The following EGFLAM variants were observed in gnomAD, a reference collection of about 807,000 sequenced individuals.
EGFLAM encodes EGF like, fibronectin type III and laminin G domains, also known as pikachurin.
A neutral mutation model predicts 113.1 loss-of-function variants in EGFLAM; 79 were observed. The observed-to-expected ratio is 0.70, with a 90% CI of 0.58 to 0.84. The LOEUF (loss-of-function observed/expected upper bound fraction) is 0.84, where lower values mean the gene tolerates loss of function less well. Among genes scored for constraint, EGFLAM ranks in the 40% least tolerant of loss-of-function variants. EGFLAM has a pLI of 0.00. For missense variants in EGFLAM, 1,265 were observed against 1,291.6 expected (o/e 0.98, Z 0.32); for synonymous variants, 504 against 487.6 (o/e 1.03, Z -0.44).
chr5:38,343,230 C>T (rs1739385896), intron 3 of EGFLAM, among the ~76,000 whole-genome samples: 2 of 151,862 alleles, frequency 1.3e-5, no homozygotes, highest in South Asian at 4.2e-4. Context: ...ATAGTGAAAC[C>T]CCATCTCTAC....
chr5:38,341,827 A>G (rs1739345469), intron 3 of EGFLAM, among the ~76,000 whole-genome samples: 1 of 152,146 alleles, frequency 6.6e-6, no homozygotes, highest in Non-Finnish European at 1.5e-5. Context: ...GGTTAGTATG[A>G]TTCGTATTGC....
At chr5:38,394,038 C>G (rs886503301) in intron 6 of EGFLAM, among the ~76,000 whole-genome samples, 2 of 152,074 alleles carry the variant, frequency 1.3e-5, no homozygotes, top group Non-Finnish European at 2.9e-5. Context: ...CCGGCTAGGC[C>G]CATCTCCGAA....
At chr5:38,459,791 A>AC (rs33938479) in intron 20 of EGFLAM, among the ~76,000 whole-genome samples, 133,856 of 146,052 alleles carry the variant, frequency 0.92, 60,943 homozygotes, top group South Asian at 0.99. Flanking sequence ...TGGGCCCCCA[A>AC]CCCTGGCTGT....
chr5:38,278,852 A>G (rs1757952242), intron 1 of EGFLAM, among the ~76,000 whole-genome samples: 1 of 152,170 alleles, frequency 6.6e-6, no homozygotes, highest in Non-Finnish European at 1.5e-5. Context: ...ACAAAAGGAA[A>G]AAGACAAATG....
intron 1 of EGFLAM, among the ~76,000 whole-genome samples, chr5:38,317,939 G>A (rs1297483003): frequency 6.6e-6 from 1 of 152,176 alleles, no homozygotes; most frequent in Non-Finnish European, 1.5e-5. Context: ...GTGTTGGCAG[G>A]AGGAAACCGG....
At chr5:38,300,373 C>CT (rs1758546029) in intron 1 of EGFLAM, among the ~76,000 whole-genome samples, 1 of 138,972 alleles carries the variant, frequency 7.2e-6, no homozygotes, top group African/African-American at 2.9e-5. Context: ...CTATCTCTCT[C>CT]TCTTTTTTTT....
rs1391931458 is a variant in EGFLAM, at chr5:38,417,209, G to A, written c.1495-857G>A. 5.9e-5 allele frequency among the ~76,000 whole-genome samples: 9 copies of A among 151,966 alleles called. No homozygotes were observed. The South Asian group carries it at 1.0e-3, about 18-fold the overall frequency. Reference sequence around the variant, plus strand: ...TCTAAAAATACAAAATTAGCTAGGCGTGGTGACACATGCCTGTAATCCCAG... The same window carrying A: ...TCTAAAAATACAAAATTAGCTAGGCATGGTGACACATGCCTGTAATCCCAG... On this transcript the variant is annotated intron_variant, in intron 11 of 21. Transcript: ENST00000322350.
At chr5:38,431,135 C>T (rs746117603) in intron 14 of EGFLAM, 42 bp from the exon 15 acceptor site, 9 of 1,571,444 alleles carry the variant, frequency 5.7e-6, no homozygotes, top group Admixed American at 5.1e-5. Flanking sequence ...TTATCCTAAT[C>T]AACTCGATAC....
intron 6 of EGFLAM, among the ~76,000 whole-genome samples, chr5:38,384,563 A>G (rs1033312999): frequency 6.6e-6 from 1 of 152,116 alleles, no homozygotes; most frequent in Admixed American, 6.5e-5. Flanking sequence ...TGTCTCAGGA[A>G]CACTTTCTGA....
At chr5:38,390,973 C>T (rs1304806647) in intron 6 of EGFLAM, among the ~76,000 whole-genome samples, 3 of 152,046 alleles carry the variant, frequency 2.0e-5, no homozygotes, top group Non-Finnish European at 4.4e-5. Flanking sequence ...TTATGGTATC[C>T]ATTAGGAAGA....
intron 1 of EGFLAM, among the ~76,000 whole-genome samples, chr5:38,320,077 G>A (rs116477532): frequency 0.011 from 1,736 of 152,316 alleles, 37 homozygotes; most frequent in African/African-American, 0.037. Context: ...TCATGGCAGC[G>A]TAAAATTTGG....
chr5:38,349,086 T>G (rs1429293329), intron 3 of EGFLAM, among the ~76,000 whole-genome samples: 2 of 152,316 alleles, frequency 1.3e-5, no homozygotes, highest in East Asian at 3.9e-4. Flanking sequence ...TTTAAAAAAT[T>G]GTAGGGATGC....
chr5:38,409,674 G>A (rs544297495), intron 10 of EGFLAM, among the ~76,000 whole-genome samples: 2 of 152,284 alleles, frequency 1.3e-5, no homozygotes, highest in South Asian at 4.1e-4. Flanking sequence ...GAAGGCTGGG[G>A]CCTTCTCATC....
chr5:38,320,096 G>T (rs1296921035), intron 1 of EGFLAM, among the ~76,000 whole-genome samples: 1 of 152,236 alleles, frequency 6.6e-6, no homozygotes, highest in Admixed American at 6.5e-5. Context: ...GGAAGAACAT[G>T]CTAGGTGGTA....
intron 6 of EGFLAM, chr5:38,401,833 C>G (rs530584103): frequency 6.6e-6 from 1 of 152,178 alleles, no homozygotes; most frequent in Admixed American, 6.5e-5. Context: ...CCATCTTACA[C>G]GTGTGTTGAC....
At chr5:38,398,256 T>C (rs16903960) in intron 6 of EGFLAM, among the ~76,000 whole-genome samples, 30,574 of 152,084 alleles carry the variant, frequency 0.2, 3,614 homozygotes, top group African/African-American at 0.31. Context: ...ACTCCAAAAG[T>C]TCACTGTTTC....
chr5:38,302,856 TCCAAA>T (rs1758627902), intron 1 of EGFLAM, among the ~76,000 whole-genome samples: 1 of 152,152 alleles, frequency 6.6e-6, no homozygotes, highest in Non-Finnish European at 1.5e-5. Flanking sequence ...GAGTATTTTT[TCCAAA>T]CAGGCCATAA....
intron 3 of EGFLAM, among the ~76,000 whole-genome samples, chr5:38,339,475 ACT>A (rs1330978145): frequency 1.3e-5 from 2 of 152,062 alleles, no homozygotes; most frequent in Non-Finnish European, 2.9e-5. Flanking sequence ...GGTGGTGCTA[ACT>A]CCTGTTTGAT....
intron 17 of EGFLAM, among the ~76,000 whole-genome samples, chr5:38,446,447 T>C (rs1742715455): frequency 6.6e-6 from 1 of 152,158 alleles, no homozygotes; most frequent in Non-Finnish European, 1.5e-5. Context: ...CCCGTTTTCC[T>C]ACTCGGCTCC....
Sources: gnomAD v4.1 joint callset for allele counts (sites outside exome capture counted in the v4.1 genomes callset) on GRCh38, gnomAD v4.1.1 for gene constraint, MANE v1.5 for transcripts, NCBI Gene and HGNC (gene_info 2026-07-23, HGNC 2026-07-21) for gene names.